The following KAT2B variants were observed in gnomAD, a reference collection of about 807,000 sequenced individuals.
The protein encoded by KAT2B is histone acetyltransferase KAT2B.
Under a neutral mutation model 105.9 loss-of-function variants are expected in KAT2B, and 36 were observed. The observed-to-expected ratio is 0.34, with a 90% CI of 0.26 to 0.45. KAT2B has a LOEUF of 0.45. KAT2B is among the 20% of genes least tolerant of loss of function. The probability of loss-of-function intolerance (pLI) is 1.00; values close to 1 mark genes in which losing one functional copy is unlikely to be tolerated. For synonymous variants in KAT2B, 397 were observed against 377.9 expected (o/e 1.05, Z -0.59); for missense variants, 820 against 1,021.6 (o/e 0.80, Z 2.69).
intron 5 of KAT2B, among the ~76,000 whole-genome samples, chr3:20,107,056 G>A (rs1202656690): frequency 6.6e-5 from 5 of 76,314 alleles, no homozygotes; most frequent in African/African-American, 2.0e-4. Flanking sequence ...TTTTTGAGAC[G>A]GAGTCTTGCT....
At chr3:20,059,069 G>C (rs148416530) in intron 1 of KAT2B, among the ~76,000 whole-genome samples, 6 of 152,120 alleles carry the variant, frequency 3.9e-5, no homozygotes, top group African/African-American at 1.4e-4. Context: ...AAAACTTCTG[G>C]CAATCCCAGC....
intron 11 of KAT2B, among the ~76,000 whole-genome samples, chr3:20,130,903 CGTGT>C (rs966688505): frequency 1.4e-5 from 2 of 146,950 alleles, no homozygotes; most frequent in Non-Finnish European, 3.0e-5. Flanking sequence ...ATGGTAAGAA[CGTGT>C]GTGTGTGTGC....
At chr3:20,062,466 A>T (rs1279828713) in intron 1 of KAT2B, among the ~76,000 whole-genome samples, 3 of 128,026 alleles carry the variant, frequency 2.3e-5, no homozygotes, top group African/African-American at 5.9e-5. Context: ...ATTTTATTTT[A>T]TATATATATA....
chr3:20,140,074 G>A (rs1039386554), intron 12 of KAT2B, 147 bp from the exon 13 acceptor site: 18 of 487,116 alleles, frequency 3.7e-5, no homozygotes, highest in African/African-American at 2.7e-4. Context: ...CTTCATGGGT[G>A]GTTTTAAGCT....
intron 2 of KAT2B, among the ~76,000 whole-genome samples, chr3:20,081,416 G>A (rs1698516817): frequency 6.6e-6 from 1 of 152,188 alleles, no homozygotes; most frequent in African/African-American, 2.4e-5. Context: ...CAGTCACACG[G>A]CGGGTCACTC....
At chr3:20,052,805 TA>T (rs1381551713) in intron 1 of KAT2B, among the ~76,000 whole-genome samples, 3 of 151,964 alleles carry the variant, frequency 2.0e-5, no homozygotes, top group Non-Finnish European at 4.4e-5. Flanking sequence ...CCATGTCTAC[TA>T]AAAAAACAAA....
chr3:20,041,602 A>T (rs1575099450), intron 1 of KAT2B, among the ~76,000 whole-genome samples: 1 of 152,118 alleles, frequency 6.6e-6, no homozygotes, highest in African/African-American at 2.4e-5. Flanking sequence ...CCGAGGTGGG[A>T]GGATTGCCCG....
chr3:20,133,520 T>C (rs770577339), intron 11 of KAT2B, among the ~76,000 whole-genome samples: 10 of 152,230 alleles, frequency 6.6e-5, no homozygotes, highest in African/African-American at 9.6e-5. Context: ...ATTCTTTTTA[T>C]ACAGTATTTT....
intron 9 of KAT2B, among the ~76,000 whole-genome samples, chr3:20,124,191 G>T (rs1699359285): frequency 6.6e-6 from 1 of 151,948 alleles, no homozygotes; most frequent in Non-Finnish European, 1.5e-5. Context: ...CTGAGTTTAG[G>T]TTTTTTTCAG....
chr3:20,126,747 A>T (rs1164909296), intron 10 of KAT2B, among the ~76,000 whole-genome samples: 1 of 144,166 alleles, frequency 6.9e-6, no homozygotes, highest in South Asian at 2.4e-4. Flanking sequence ...GCTTGAACCC[A>T]GGAGGCGGAG....
chr3:20,092,700 TTTG>T (rs987584053), intron 2 of KAT2B, among the ~76,000 whole-genome samples: 108 of 151,968 alleles, frequency 7.1e-4, no homozygotes, highest in African/African-American at 2.3e-3. Flanking sequence ...TGTATCGTTT[TTTG>T]TTGTTGTTGT....
rs1698780797 is a variant in KAT2B, at chr3:20,094,796, A to G, written c.431-467A>G. Among the ~76,000 whole-genome samples the G allele has an allele frequency of 4.6e-5, 7 of 152,274 alleles. 1 individual carries two copies. The South Asian group carries it at 1.5e-3, about 32-fold the overall frequency. The stretch of plus-strand genomic sequence containing the variant: ...ACACTGTCATGATATTCTTTGGTGA[A>G]TGAGCTCTCCACAGGACTTAGAGCT... On this transcript the variant is annotated intron_variant, in intron 2 of 17. Coordinates refer to ENST00000263754, the MANE Select transcript of KAT2B (RefSeq NM_003884.5).
At chr3:20,115,664 C>T (rs1418810777) in intron 7 of KAT2B, among the ~76,000 whole-genome samples, 1 of 152,214 alleles carries the variant, frequency 6.6e-6, no homozygotes, top group Non-Finnish European at 1.5e-5. Context: ...ACTCTTTTTA[C>T]TGTACTGTGT....
intron 6 of KAT2B, 79 bp downstream of exon 6, chr3:20,111,866 TAAC>T: frequency 8.9e-7 from 1 of 1,122,414 alleles, no homozygotes; most frequent in Non-Finnish European, 1.3e-6. Context: ...CCTGCATAAA[TAAC>T]AAGATCGGAA....
Position 20,148,006 on chromosome 3 carries a change from A to T in KAT2B, c.2156+7A>T, listed in dbSNP as rs1259326264. 1.2e-6 allele frequency: 2 copies of T among 1,613,096 alleles called. No homozygotes were observed. The highest frequency in any genetic ancestry group is 1.7e-6 in the Non-Finnish European group (2 of 1,179,262). ...CGAGTGGAAAAGAGAAAAGGTAAGT[A>T]TGACGGGCAAGAGGATGTTAATGGA... On this transcript the variant is annotated splice_region_variant and intron_variant, in intron 15 of 17. Transcript: ENST00000263754.
intron 1 of KAT2B, among the ~76,000 whole-genome samples, chr3:20,054,642 C>T (rs374814646): frequency 6.6e-6 from 1 of 152,142 alleles, no homozygotes; most frequent in Non-Finnish European, 1.5e-5. Context: ...GTGTGGTATG[C>T]AGGAGGTTCC....
intron 11 of KAT2B, among the ~76,000 whole-genome samples, chr3:20,128,409 AG>A (rs1699448568): frequency 6.6e-6 from 1 of 152,222 alleles, no homozygotes; most frequent in African/African-American, 2.4e-5. Context: ...AAATTCTATA[AG>A]GGAAGTCATG....
At chr3:20,096,983 G>A (rs921898872) in intron 3 of KAT2B, among the ~76,000 whole-genome samples, 1 of 152,104 alleles carries the variant, frequency 6.6e-6, no homozygotes, top group Non-Finnish European at 1.5e-5. Context: ...AAGAGAGTGG[G>A]GGAAGAGAGA....
At chr3:20,121,075 T>G (rs1699299452) in intron 8 of KAT2B, among the ~76,000 whole-genome samples, 1 of 152,126 alleles carries the variant, frequency 6.6e-6, no homozygotes, top group Non-Finnish European at 1.5e-5. Context: ...TCAGCATTAC[T>G]CTTAGGGAAT....
Sources: allele counts gnomAD v4.1 joint callset (sites outside exome capture counted in the v4.1 genomes callset), GRCh38; gene constraint gnomAD v4.1.1; transcripts MANE v1.5; gene names NCBI Gene and HGNC (gene_info 2026-07-23, HGNC 2026-07-21).